Variants in CNNM2 observed in about 807,000 individuals in gnomAD.
CNNM2 encodes the protein metal transporter CNNM2.
Under a neutral mutation model 66.9 loss-of-function variants are expected in CNNM2, and 12 were observed. The ratio of observed to expected loss-of-function variants is 0.18; its 90% CI spans 0.11 to 0.29. The LOEUF is 0.29. Among genes scored for constraint, CNNM2 ranks in the 10% least tolerant of loss-of-function variants. CNNM2 has a pLI of 1.00. For synonymous variants in CNNM2, 557 were observed against 501.8 expected (o/e 1.11, Z -1.47); for missense variants, 705 against 1,167.7 (o/e 0.60, Z 5.77).
intron 1 of CNNM2, among the ~76,000 whole-genome samples, chr10:102,944,581 CGTGTGTGTGTGT>C (rs148795286): frequency 2.1e-5 from 3 of 143,484 alleles, no homozygotes; most frequent in South Asian, 4.5e-4. Flanking sequence ...TGTATCTTTT[CGTGTGTGTGTGT>C]GTGTGTGTGT....
At chr10:103,045,268 C>T (rs760084965) in intron 1 of CNNM2, among the ~76,000 whole-genome samples, 13 of 152,216 alleles carry the variant, frequency 8.5e-5, no homozygotes, top group Non-Finnish European at 1.8e-4. Flanking sequence ...CTCGTCTCCT[C>T]TGCTCAAAAT....
At chr10:103,007,429 C>A (rs2064249516) in intron 1 of CNNM2, among the ~76,000 whole-genome samples, 1 of 152,108 alleles carries the variant, frequency 6.6e-6, no homozygotes, top group Non-Finnish European at 1.5e-5. Context: ...CCCTAATAAT[C>A]CTGAGGGTAC....
intron 1 of CNNM2, among the ~76,000 whole-genome samples, chr10:103,046,175 T>C (rs2065124541): frequency 6.6e-6 from 1 of 152,256 alleles, no homozygotes; most frequent in Non-Finnish European, 1.5e-5. Flanking sequence ...TGAGGCTGGC[T>C]TTAAAGATAA....
At chr10:102,948,082 C>A (rs1302982494) in intron 1 of CNNM2, among the ~76,000 whole-genome samples, 1 of 151,960 alleles carries the variant, frequency 6.6e-6, no homozygotes, top group Non-Finnish European at 1.5e-5. Flanking sequence ...CAAACAAAAA[C>A]CCCACACAGG....
chr10:102,928,357 C>A (rs767206024), intron 1 of CNNM2, among the ~76,000 whole-genome samples: 1 of 151,760 alleles, frequency 6.6e-6, no homozygotes, highest in Non-Finnish European at 1.5e-5. Flanking sequence ...GAGGCCGAGG[C>A]GGGTGGATCA....
rs754222358 is a variant in CNNM2 at position 103,089,696 on chromosome 10, T to TTCA, written c.*12525_*12527dup. On this transcript the variant is annotated 3_prime_UTR_variant, in exon 8 of 8. Transcript: ENST00000369878. The stretch of plus-strand genomic sequence containing the variant: ...CTTATTCTTCCTCCTCCTCCTCCTC[T>TTCA]TCATCATCATCTTCGTCATGGCAGT... 6.2e-7 allele frequency: 1 copy of TTCA among 1,609,742 alleles called. No individual in the cohort carries two copies. Among genetic ancestry groups the TTCA allele is most frequent in the Non-Finnish European group, 8.5e-7 (1 of 1,177,820 alleles).
At chr10:103,053,067 T>C (rs1368495241) in intron 2 of CNNM2, among the ~76,000 whole-genome samples, 2 of 152,178 alleles carry the variant, frequency 1.3e-5, no homozygotes, top group Admixed American at 1.3e-4. Flanking sequence ...TAAGCTCGTT[T>C]TTTCTTGATC....
At chr10:103,012,639 C>CTTTT (rs78646079) in intron 1 of CNNM2, among the ~76,000 whole-genome samples, 52 of 118,038 alleles carry the variant, frequency 4.4e-4, no homozygotes, top group African/African-American at 1.5e-3. Flanking sequence ...CAGAGCAAGA[C>CTTTT]TTTTTTTTTT....
At chr10:103,051,831 T>G (rs2065218437) in intron 2 of CNNM2, among the ~76,000 whole-genome samples, 1 of 152,222 alleles carries the variant, frequency 6.6e-6, no homozygotes, top group African/African-American at 2.4e-5. Flanking sequence ...AAACGTATCC[T>G]GTTTTATCCT....
chr10:103,071,643 C>T (rs1413898614), intron 5 of CNNM2, 131 bp from the exon 6 acceptor site: 49 of 792,294 alleles, frequency 6.2e-5, no homozygotes, highest in Non-Finnish European at 9.8e-5. Context: ...AATACCATAC[C>T]GACTTGCATT....
chr10:102,967,376 A>G (rs993823762), intron 1 of CNNM2, among the ~76,000 whole-genome samples: 3 of 152,236 alleles, frequency 2.0e-5, no homozygotes, highest in Admixed American at 1.3e-4. Context: ...TGCCACCTCA[A>G]CCCAGTTTTA....
intron 1 of CNNM2, among the ~76,000 whole-genome samples, chr10:103,031,395 G>A (rs1352707618): frequency 1.3e-5 from 2 of 152,124 alleles, no homozygotes; most frequent in African/African-American, 4.8e-5. Flanking sequence ...ATATATCTCT[G>A]TGGTTGCAGT....
intron 1 of CNNM2, among the ~76,000 whole-genome samples, chr10:103,021,658 C>G (rs985702101): frequency 6.6e-6 from 1 of 152,106 alleles, no homozygotes; most frequent in Non-Finnish European, 1.5e-5. Flanking sequence ...TTGACTCCTG[C>G]TGTAGGAAAC....
rs7093326 is a variant in CNNM2, at chr10:103,049,822, T to C, written c.1737T>C (p.Ser579=). The change falls in exon 2 of 8, where the codon TCT becomes TCC. Residue 579 remains serine, a synonymous_variant. Transcript: ENST00000369878. ...ATGTGATTGAAGAAATCATCAAATC[T>C]GAGATTCTTGATGAAACAGATTTAT... ...LEDVIEEIIK[S]EILDETDLYT... is the part of the protein sequence containing the mutation. The C allele has an allele frequency of 6.2e-7, 1 of 1,613,496 alleles. No individual in the cohort carries two copies. The highest frequency in any genetic ancestry group is 1.3e-5 in the African/African-American group (1 of 75,046).
At chr10:103,052,810 G>A (rs1008777690) in intron 2 of CNNM2, among the ~76,000 whole-genome samples, 1 of 152,238 alleles carries the variant, frequency 6.6e-6, no homozygotes, top group South Asian at 2.1e-4. Context: ...GTGCCTGGCC[G>A]ATTTCAGGTA....
At chr10:103,037,657 C>G (rs1315045945) in intron 1 of CNNM2, among the ~76,000 whole-genome samples, 2 of 151,978 alleles carry the variant, frequency 1.3e-5, no homozygotes, top group African/African-American at 2.4e-5. Context: ...AGTATAAGTA[C>G]AAAGGAAAAC....
intron 1 of CNNM2, among the ~76,000 whole-genome samples, chr10:103,006,689 C>T (rs186671810): frequency 1.6e-3 from 238 of 152,280 alleles, no homozygotes; most frequent in Non-Finnish European, 1.7e-3. Flanking sequence ...TGCAATGGTG[C>T]GATCTCAGCT....
At chr10:102,955,850 G>A (rs1364353675) in intron 1 of CNNM2, among the ~76,000 whole-genome samples, 1 of 152,198 alleles carries the variant, frequency 6.6e-6, no homozygotes, top group East Asian at 1.9e-4. Flanking sequence ...AGTTAGAATG[G>A]TGATCATTAA....
At position 103,071,798 on chromosome 10, in the gene CNNM2, T is replaced by G; in HGVS notation, c.2192T>G (p.Phe731Cys). 1 of 1,613,980 alleles carries G rather than the reference T, an allele frequency of 6.2e-7. No individual in the cohort carries two copies. The highest frequency in any genetic ancestry group is 8.5e-7 in the Non-Finnish European group (1 of 1,179,860). The stretch of plus-strand genomic sequence containing the variant: ...GTTCCTTTGTCCCTGTCTCGTACCT[T>G]TGTTGTCAGCAGAACAGAGTTGTTA... ...SPVPLSLSRT[F>C]VVSRTELLAA... The change falls in exon 6 of 8, where the codon TTT (phenylalanine) becomes TGT (cysteine). Residue 731 changes from phenylalanine (F) to cysteine (C), a missense_variant. Phe to Cys is a radical substitution (Grantham distance 205). Transcript: ENST00000369878.
Sources: allele counts gnomAD v4.1 joint callset (sites outside exome capture counted in the v4.1 genomes callset), GRCh38; gene constraint gnomAD v4.1.1; transcripts MANE v1.5; gene names NCBI Gene and HGNC (gene_info 2026-07-23, HGNC 2026-07-21).